The following NTSR1 variants were observed in gnomAD, a reference collection of about 807,000 sequenced individuals.
The protein encoded by NTSR1 is neurotensin receptor type 1.
In NTSR1, 29 loss-of-function variants were observed where a neutral mutation model predicts 31.2. The observed-to-expected ratio is 0.93, with a 90% CI of 0.69 to 1.27. The LOEUF is 1.27. NTSR1 is among the 50% of genes most tolerant of loss of function. The pLI is 0.00. For missense variants in NTSR1, 697 were observed against 595.4 expected (o/e 1.17, Z -1.78); for synonymous variants, 282 against 269.9 (o/e 1.04, Z -0.44).
At chr20:62,751,930 A>G (rs1989400445) in intron 1 of NTSR1, among the ~76,000 whole-genome samples, 1 of 152,068 alleles carries the variant, frequency 6.6e-6, no homozygotes, top group South Asian at 2.1e-4. Context: ...GGCACTGTCG[A>G]TGCCAAATTC....
rs1323708434 is a variant in NTSR1, at chr20:62,732,449, C to T, written c.715-22236C>T. The T allele has an allele frequency of 2.0e-5, 3 of 152,306 alleles. No individual in the cohort carries two copies. The highest frequency in any genetic ancestry group is 2.9e-5 in the Non-Finnish European group (2 of 68,036). 9.4% of individuals were successfully genotyped at this position (152,306 alleles called of 1,614,324 possible). The stretch of plus-strand genomic sequence containing the variant: ...ATGATGGATTTCGATAATCTGTTTC[C>T]GAACCCTGGAGCAGCCTCGCATGCC... On this transcript the variant is annotated intron_variant, in intron 1 of 3. Coordinates refer to ENST00000370501, the MANE Select transcript of NTSR1 (RefSeq NM_002531.3). This position sits in a 1 kb window ranked among gnomAD's most constrained non-coding sequence, Gnocchi z 4.0.
Position 62,742,739 on chromosome 20 carries a change from G to A in NTSR1, c.715-11946G>A, listed in dbSNP as rs948796745. Among the ~76,000 whole-genome samples, 2 of 149,278 alleles carry A rather than the reference G, an allele frequency of 1.3e-5. No individual in the cohort carries two copies. The highest frequency in any genetic ancestry group is 2.9e-5 in the Non-Finnish European group (2 of 67,982). ...TCCTGGATGACCTCACTCCTGGAAA[G>A]CGCTGGGCTGTGTCACCTTAAAGAC... is the stretch of plus-strand genomic sequence containing the variant. On this transcript the variant is annotated intron_variant, in intron 1 of 3. Transcript: ENST00000370501. This position sits in a 1 kb window ranked among gnomAD's most constrained non-coding sequence, Gnocchi z 7.1.
chr20:62,716,157 C>T (rs995929678), intron 1 of NTSR1, among the ~76,000 whole-genome samples: 1 of 152,192 alleles, frequency 6.6e-6, no homozygotes, highest in Non-Finnish European at 1.5e-5. Context: ...CCAGAACCTT[C>T]TCTCTCCCCA....
intron 1 of NTSR1, among the ~76,000 whole-genome samples, chr20:62,753,328 G>A (rs1006663129): frequency 5.9e-5 from 9 of 152,214 alleles, no homozygotes; most frequent in Non-Finnish European, 8.8e-5. Context: ...CTTCATTAGC[G>A]AGACACGGCG....
intron 1 of NTSR1, among the ~76,000 whole-genome samples, chr20:62,729,293 C>T (rs998815773): frequency 8.5e-5 from 13 of 152,222 alleles, no homozygotes; most frequent in Admixed American, 3.3e-4. Flanking sequence ...CCCAGGGTGG[C>T]CTGCTCAACA....
intron 1 of NTSR1, among the ~76,000 whole-genome samples, chr20:62,754,297 T>C (rs951384849): frequency 6.6e-6 from 1 of 152,196 alleles, no homozygotes; most frequent in East Asian, 1.9e-4. Flanking sequence ...AGCCACGTGC[T>C]TGTGGGCCTC....
In NTSR1 at chr20:62,755,033, A is replaced by G. The variant is rs1989460594; in HGVS notation, c.916+147A>G. 1.4e-5 allele frequency: 10 copies of G among 704,882 alleles called. 1 individual carries two copies. The Admixed American group carries it at 2.2e-4, about 16-fold the overall frequency. 43.7% of individuals were successfully genotyped at this position (704,882 alleles called of 1,614,324 possible). On this transcript the variant is annotated intron_variant, in intron 2 of 3. Transcript: ENST00000370501. ...AGACCCAAGGGTGCCAGCTCCCCCG[A>G]GGGGTGAGTGCCATTCTGCACTCCA... is the stretch of plus-strand genomic sequence containing the variant.
intron 1 of NTSR1, among the ~76,000 whole-genome samples, chr20:62,716,371 G>A (rs1236412471): frequency 1.3e-5 from 2 of 152,300 alleles, no homozygotes; most frequent in Non-Finnish European, 2.9e-5. Context: ...AGCACTTGAG[G>A]TTCTGGACAA....
chr20:62,760,975 C>T lies in NTSR1; in HGVS notation c.*708C>T. ...TGGAATGGCCCAGACCCCAGCCTCC[C>T]CTCCTCCCTCCCATCCTCACCCAGG... On this transcript the variant is annotated 3_prime_UTR_variant, in exon 4 of 4. Transcript: ENST00000370501. 1 of 152,614 alleles carries T rather than the reference C, an allele frequency of 6.6e-6. No homozygotes were observed. Among genetic ancestry groups the T allele is most frequent in the Non-Finnish European group, 1.5e-5 (1 of 68,252 alleles). The allele number at this position is 152,614 out of a possible 1,614,324, so 9.5% of individuals were successfully genotyped here. A position where few individuals can be genotyped will look rare whatever the true frequency, so the allele number is the denominator to read the frequency against.
chr20:62,738,592 C>T lies in NTSR1; in HGVS notation c.715-16093C>T, dbSNP rs545403690. Among the ~76,000 whole-genome samples the T allele has an allele frequency of 7.6e-4, 116 of 152,368 alleles. 5 individuals carry two copies. Among genetic ancestry groups the T allele is most frequent in the African/African-American group, 2.5e-3 (104 of 41,582 alleles). Reference sequence around the variant, plus strand: ...CAGGCTTCTCCTGGAGCCAATCAGCCCTCTGGCTTTCATGGGCTCCTACCT... The same window carrying T: ...CAGGCTTCTCCTGGAGCCAATCAGCTCTCTGGCTTTCATGGGCTCCTACCT... On this transcript the variant is annotated intron_variant, in intron 1 of 3. Coordinates refer to ENST00000370501, the MANE Select transcript of NTSR1 (RefSeq NM_002531.3).
chr20:62,721,493 CTT>C (rs1257429295), intron 1 of NTSR1, among the ~76,000 whole-genome samples: 13 of 152,230 alleles, frequency 8.5e-5, no homozygotes, highest in Admixed American at 7.2e-4. Flanking sequence ...AGAGCTGCCG[CTT>C]TTGTCTCACT....
At chr20:62,725,618 A>G (rs144825939) in intron 1 of NTSR1, among the ~76,000 whole-genome samples, 6 of 152,004 alleles carry the variant, frequency 3.9e-5, no homozygotes, top group African/African-American at 1.5e-4. Context: ...CCTGAGCTCA[A>G]TGTCTTCCAG....
chr20:62,756,064 T>C (rs1197065663), intron 2 of NTSR1, among the ~76,000 whole-genome samples: 1 of 151,810 alleles, frequency 6.6e-6, no homozygotes, highest in African/African-American at 2.4e-5. Context: ...CTATTCTTGC[T>C]CACAGGCATG....
chr20:62,718,317 G>A (rs1048846485), intron 1 of NTSR1, among the ~76,000 whole-genome samples: 1 of 152,124 alleles, frequency 6.6e-6, no homozygotes, highest in African/African-American at 2.4e-5. Flanking sequence ...TGGATGCCTG[G>A]GGAGTGACCA....
At chr20:62,752,930 G>A (rs1054894030) in intron 1 of NTSR1, among the ~76,000 whole-genome samples, 3 of 152,118 alleles carry the variant, frequency 2.0e-5, no homozygotes, top group African/African-American at 7.2e-5. Context: ...CGCCCAAGCA[G>A]GGGAGGGCAG....
chr20:62,753,391 T>C (rs1173404941), intron 1 of NTSR1, among the ~76,000 whole-genome samples: 1 of 152,200 alleles, frequency 6.6e-6, no homozygotes, highest in Non-Finnish European at 1.5e-5. Flanking sequence ...GCCATGTGGC[T>C]CTGCCCTCCC....
intron 1 of NTSR1, among the ~76,000 whole-genome samples, chr20:62,721,000 A>G (rs754338766): frequency 1.6e-4 from 25 of 152,186 alleles, no homozygotes; most frequent in Non-Finnish European, 2.6e-4. Context: ...ACAAATGTGC[A>G]TGATTTAAAT....
rs547118078 is a variant in NTSR1 at position 62,733,938 on chromosome 20, C to T, written c.715-20747C>T. Among the ~76,000 whole-genome samples, 9 of 152,318 alleles carry T rather than the reference C, an allele frequency of 5.9e-5. No individual in the cohort carries two copies. The East Asian group carries it at 1.7e-3, about 29-fold the overall frequency. On this transcript the variant is annotated intron_variant, in intron 1 of 3. Transcript: ENST00000370501. This position sits in a 1 kb window ranked among gnomAD's most constrained non-coding sequence, Gnocchi z 5.2. ...TTATCTCAATAGAGGATTCGAACAG[C>T]CCCCAGGCAGGGTCGCATTTTAAAT... is the stretch of plus-strand genomic sequence containing the variant.
Position 62,758,416 on chromosome 20 carries a change from G to A in NTSR1, c.1007+60G>A. The A allele has an allele frequency of 1.3e-6, 2 of 1,484,656 alleles. No individual in the cohort carries two copies. Among genetic ancestry groups the A allele is most frequent in the Non-Finnish European group, 1.9e-6 (2 of 1,066,526 alleles). The allele number at this position is 1,484,656 out of a possible 1,614,324, so 92.0% of individuals were successfully genotyped here. A position where few individuals can be genotyped will look rare whatever the true frequency, so the allele number is the denominator to read the frequency against. ...CAAGTAAGTGCTCCCAAAACAGATGGTGGGTGTGGCAGGCACTGCTGAGGG... is the reference window on the plus strand; with the variant it reads ...CAAGTAAGTGCTCCCAAAACAGATGATGGGTGTGGCAGGCACTGCTGAGGG... On this transcript the variant is annotated intron_variant, in intron 3 of 3. Coordinates refer to ENST00000370501, the MANE Select transcript of NTSR1 (RefSeq NM_002531.3). The surrounding 1 kb of genome is among the most constrained non-coding windows in gnomAD (Gnocchi z 4.5).
Sources: gnomAD v4.1 joint callset for allele counts (sites outside exome capture counted in the v4.1 genomes callset) on GRCh38, gnomAD v4.1.1 for gene constraint, Gnocchi (gnomAD v3.1) non-coding constraint, MANE v1.5 for transcripts, NCBI Gene and HGNC (gene_info 2026-07-23, HGNC 2026-07-21) for gene names.